The following RGS6 variants were observed in gnomAD, a reference collection of about 807,000 sequenced individuals.
RGS6 encodes regulator of G-protein signaling 6.
A neutral mutation model predicts 78.5 loss-of-function variants in RGS6; 30 were observed. The observed-to-expected ratio is 0.38, with a 90% CI of 0.29 to 0.52. The LOEUF is 0.52. Ranked by LOEUF, RGS6 falls within the 20% of genes least tolerant of loss-of-function variation. RGS6 has a pLI of 0.85. For synonymous variants in RGS6, 206 were observed against 206.0 expected, an observed-to-expected ratio of 1.00 and a Z score of 0.00; for missense variants, 495 against 609.7, an observed-to-expected ratio of 0.81 and a Z score of 1.98.
chr14:72,334,067 A>G (rs117092013), intron 2 of RGS6, among the ~76,000 whole-genome samples: 2,600 of 152,290 alleles, frequency 0.017, 36 homozygotes, highest in Non-Finnish European at 0.029. Context: ...TTAAACCTCC[A>G]TCTCCAACAC....
intron 12 of RGS6, among the ~76,000 whole-genome samples, chr14:72,483,872 C>T (rs1410113680): frequency 6.6e-6 from 1 of 152,118 alleles, no homozygotes; most frequent in Non-Finnish European, 1.5e-5. Context: ...CTCCTTCACT[C>T]ATCCCAAGTT....
intron 15 of RGS6, among the ~76,000 whole-genome samples, chr14:72,533,673 G>T (rs2097210207): frequency 6.6e-6 from 1 of 152,224 alleles, no homozygotes; most frequent in African/African-American, 2.4e-5. Context: ...GGAAGAAGTT[G>T]ATTCCAGCCC....
chr14:72,050,131 G>A (rs184196977), intron 2 of RGS6, among the ~76,000 whole-genome samples: 1 of 152,224 alleles, frequency 6.6e-6, no homozygotes, highest in Admixed American at 6.5e-5. Flanking sequence ...AATTTAATAT[G>A]AGGTAAACTG....
At chr14:72,258,959 T>C (rs1473656487) in intron 2 of RGS6, among the ~76,000 whole-genome samples, 1 of 152,170 alleles carries the variant, frequency 6.6e-6, no homozygotes, top group African/African-American at 2.4e-5. Context: ...GGAAACCTTA[T>C]TTTCTTTAAT....
the RGS6 span, among the ~76,000 whole-genome samples, chr14:72,613,282 C>T: frequency 5.3e-5 from 8 of 152,118 alleles, no homozygotes; most frequent in East Asian, 7.7e-4. Context: ...CCACCATGGC[C>T]GCGTTTATTT....
chr14:71,969,591 TC>T (rs1224340854), intron 2 of RGS6, among the ~76,000 whole-genome samples: 1 of 152,236 alleles, frequency 6.6e-6, no homozygotes. Context: ...CTTTCCTGAT[TC>T]TACTTCTTGT....
At chr14:71,927,250 T>C in the RGS6 span, among the ~76,000 whole-genome samples, 1 of 152,246 alleles carries the variant, frequency 6.6e-6, no homozygotes, top group African/African-American at 2.4e-5. Flanking sequence ...CATCCCTGCA[T>C]TCTGATTATT....
intron 2 of RGS6, among the ~76,000 whole-genome samples, chr14:71,983,254 G>T (rs995340905): frequency 5.3e-5 from 8 of 152,132 alleles, no homozygotes; most frequent in South Asian, 2.1e-4. Flanking sequence ...TGGACAGAGG[G>T]AATAAATCCA....
At chr14:72,474,508 A>AG in intron 9 of RGS6, 117 bp from the exon 10 acceptor site, 3 of 926,448 alleles carry the variant, frequency 3.2e-6, no homozygotes, top group Non-Finnish European at 4.9e-6. Flanking sequence ...GGAAAAAAAA[A>AG]TCATGCATTG....
chr14:72,316,733 A>G (rs1194385740), intron 2 of RGS6, among the ~76,000 whole-genome samples: 1 of 152,194 alleles, frequency 6.6e-6, no homozygotes, highest in Non-Finnish European at 1.5e-5. Context: ...ATTACACAAG[A>G]ATAATCATCT....
At chr14:72,166,184 C>T (rs1034884443) in intron 2 of RGS6, among the ~76,000 whole-genome samples, 7 of 151,192 alleles carry the variant, frequency 4.6e-5, no homozygotes, top group African/African-American at 1.2e-4. Flanking sequence ...TGGTCATAGA[C>T]GTCTTTCTTC....
At chr14:71,922,491 A>G in the RGS6 span, among the ~76,000 whole-genome samples, 1 of 152,210 alleles carries the variant, frequency 6.6e-6, no homozygotes, top group African/African-American at 2.4e-5. Context: ...CCTCACACCT[A>G]AAATAACACC....
intron 2 of RGS6, among the ~76,000 whole-genome samples, chr14:72,080,900 C>G (rs1465678814): frequency 6.6e-6 from 1 of 152,064 alleles, no homozygotes; most frequent in Non-Finnish European, 1.5e-5. Flanking sequence ...ATGGCAGTAC[C>G]ATGCATTTTG....
At position 72,478,416 on chromosome 14, in the gene RGS6, A is replaced by G. The variant is rs1490282697; in HGVS notation, c.854+87A>G. On this transcript the variant is annotated intron_variant, in intron 12 of 17. Coordinates refer to ENST00000553525, the MANE Select transcript of RGS6 (RefSeq NM_001204424.2). Reference sequence around the variant, plus strand: ...GGGTTATGGTTAACGAATGTGTTCAATGCCAAGAGTTAGACTGTAGTTATT... The same window carrying G: ...GGGTTATGGTTAACGAATGTGTTCAGTGCCAAGAGTTAGACTGTAGTTATT... The G allele has an allele frequency of 5.2e-6, 5 of 955,924 alleles. No homozygotes were observed. The African/African-American group carries it at 8.1e-5, about 16-fold the overall frequency. The allele number at this position is 955,924 out of a possible 1,614,324, so 59.2% of individuals were successfully genotyped here. A position where few individuals can be genotyped will look rare whatever the true frequency, so the allele number is the denominator to read the frequency against.
intron 2 of RGS6, among the ~76,000 whole-genome samples, chr14:72,157,745 A>G (rs2096793495): frequency 6.6e-6 from 1 of 152,168 alleles, no homozygotes; most frequent in Admixed American, 6.5e-5. Context: ...GGATAATAAT[A>G]TTAATACTTA....
At chr14:72,109,699 T>A (rs2095710841) in intron 2 of RGS6, among the ~76,000 whole-genome samples, 1 of 152,224 alleles carries the variant, frequency 6.6e-6, no homozygotes, top group African/African-American at 2.4e-5. Flanking sequence ...ATATACACTT[T>A]ATTTCTTCAT....
At chr14:72,425,394 C>T (rs1045149569) in intron 3 of RGS6, among the ~76,000 whole-genome samples, 1 of 152,218 alleles carries the variant, frequency 6.6e-6, no homozygotes, top group African/African-American at 2.4e-5. Flanking sequence ...CCACCTCAGC[C>T]TCCCAAAGTG....
intron 2 of RGS6, among the ~76,000 whole-genome samples, chr14:72,027,115 T>A (rs928191456): frequency 6.6e-6 from 1 of 152,068 alleles, no homozygotes; most frequent in Non-Finnish European, 1.5e-5. Context: ...GGCTGATCCT[T>A]CAGGGCCTTG....
chr14:72,296,226 T>C (rs1393529548), intron 2 of RGS6, among the ~76,000 whole-genome samples: 3 of 152,208 alleles, frequency 2.0e-5, no homozygotes, highest in Non-Finnish European at 4.4e-5. Context: ...AGTGTTCCAT[T>C]GTGTGAATGA....
Sources: gnomAD v4.1 joint callset for allele counts (sites outside exome capture counted in the v4.1 genomes callset) on GRCh38, gnomAD v4.1.1 for gene constraint, MANE v1.5 for transcripts, NCBI Gene and HGNC (gene_info 2026-07-23, HGNC 2026-07-21) for gene names.